The following PAPPA variants were observed in gnomAD, a reference collection of about 807,000 sequenced individuals.
PAPPA encodes pappalysin-1.
A neutral mutation model predicts 164.0 loss-of-function variants in PAPPA; 60 were observed. The ratio of observed to expected loss-of-function variants is 0.37; its 90% CI spans 0.30 to 0.45. The LOEUF (loss-of-function observed/expected upper bound fraction) is 0.45, where lower values mean the gene tolerates loss of function less well. PAPPA is among the 20% of genes least tolerant of loss of function. PAPPA has a pLI of 1.00. For synonymous variants in PAPPA, 875 were observed against 814.1 expected (o/e 1.07, Z -1.27); for missense variants, 1,782 against 2,087.3 (o/e 0.85, Z 2.85).
intron 10 of PAPPA, among the ~76,000 whole-genome samples, chr9:116,323,729 CTTTG>C (rs1314894115): frequency 2.6e-5 from 4 of 152,142 alleles, no homozygotes; most frequent in Non-Finnish European, 4.4e-5. Flanking sequence ...CACAGTGTGG[CTTTG>C]TTTGTTTCTT....
chr9:116,157,719 C>A (rs187036491), intron 1 of PAPPA, among the ~76,000 whole-genome samples: 100 of 152,236 alleles, frequency 6.6e-4, no homozygotes, highest in Non-Finnish European at 1.1e-3. Flanking sequence ...CTCATAAACA[C>A]CATCACCTCT....
chr9:116,322,224 C>A (rs1845865296), intron 10 of PAPPA, among the ~76,000 whole-genome samples: 1 of 151,960 alleles, frequency 6.6e-6, no homozygotes, highest in South Asian at 2.1e-4. Context: ...GCCTGGCCAA[C>A]ATGGTAAAAA....
chr9:116,162,131 G>T (rs1843675812), intron 1 of PAPPA, among the ~76,000 whole-genome samples: 2 of 152,176 alleles, frequency 1.3e-5, no homozygotes. Context: ...GTGATGAGGG[G>T]AGCCTTAGGA....
intron 2 of PAPPA, among the ~76,000 whole-genome samples, chr9:116,195,650 G>A (rs1844095233): frequency 1.3e-5 from 2 of 152,150 alleles, no homozygotes; most frequent in Non-Finnish European, 2.9e-5. Flanking sequence ...GACAGCACCT[G>A]GCACATAGTG....
chr9:116,283,286 T>C (rs1033866), intron 9 of PAPPA, among the ~76,000 whole-genome samples: 90,044 of 151,972 alleles, frequency 0.59, 26,824 homozygotes, highest in East Asian at 0.72. Flanking sequence ...GCATTAGAGG[T>C]CCCCTGGGAG....
chr9:116,365,028 G>A (rs1276553792), intron 18 of PAPPA, among the ~76,000 whole-genome samples: 2 of 152,172 alleles, frequency 1.3e-5, no homozygotes, highest in African/African-American at 2.4e-5. Flanking sequence ...AACAAGGCAG[G>A]AGAGCAGTTT....
chr9:116,353,805 G>A lies in PAPPA; in HGVS notation c.4347+12G>A, dbSNP rs1846315992. ...GTGATGCCTCCCAGGTAAGCCTCCTGGAACTTGAGATTGATACCATGGTCC... is the reference window on the plus strand; with the variant it reads ...GTGATGCCTCCCAGGTAAGCCTCCTAGAACTTGAGATTGATACCATGGTCC... On this transcript the variant is annotated intron_variant, in intron 17 of 21. Transcript: ENST00000328252. The A allele has an allele frequency of 9.3e-6, 15 of 1,604,712 alleles. No homozygotes were observed. Among genetic ancestry groups the A allele is most frequent in the Non-Finnish European group, 1.3e-5 (15 of 1,173,720 alleles).
At chr9:116,329,330 C>A (rs1371498297) in intron 10 of PAPPA, among the ~76,000 whole-genome samples, 1 of 152,056 alleles carries the variant, frequency 6.6e-6, no homozygotes. Flanking sequence ...CAATGGCTTT[C>A]TAAGCTAACA....
At chr9:116,251,560 C>T (rs1175141537) in intron 7 of PAPPA, among the ~76,000 whole-genome samples, 1 of 152,172 alleles carries the variant, frequency 6.6e-6, no homozygotes, top group African/African-American at 2.4e-5. Flanking sequence ...TCACTGGGGC[C>T]CTCCGTTGGA....
In PAPPA at chr9:116,178,407, C is replaced by T. The variant is rs529152348; in HGVS notation, c.416-8747C>T. On this transcript the variant is annotated intron_variant, in intron 1 of 21. Coordinates refer to ENST00000328252, the MANE Select transcript of PAPPA (RefSeq NM_002581.5). ...ACAGGCGTGAGCCACCTTGCCTGGC[C>T]GGAAAGATATTTATTATTAACACAC... Among the ~76,000 whole-genome samples the T allele has an allele frequency of 4.9e-4, 74 of 152,158 alleles. No individual in the cohort carries two copies. In the South Asian group the frequency reaches 6.5e-3, roughly 13 times the overall value.
chr9:116,187,698 G>C lies in PAPPA; in HGVS notation c.960G>C (p.Thr320=). 1 of 1,614,248 alleles carries C rather than the reference G, an allele frequency of 6.2e-7. No homozygotes were observed. The highest frequency in any genetic ancestry group is 8.5e-7 in the Non-Finnish European group (1 of 1,180,046). ...ATGCCCACGGCTTTCTGCTGGACAC[G>C]AGTCTGGAGCCTCCTCTGTGCGGAC... ...FSNAHGFLLD[T]SLEPPLCGQT... Residue 320 remains threonine (T), a synonymous_variant, in exon 2 of 22, where the codon ACG becomes ACC. Coordinates refer to ENST00000328252, the MANE Select transcript of PAPPA (RefSeq NM_002581.5). This position sits in a 1 kb window ranked among gnomAD's most constrained non-coding sequence, Gnocchi z 4.2.
intron 19 of PAPPA, among the ~76,000 whole-genome samples, chr9:116,375,353 T>C (rs1157801455): frequency 6.6e-5 from 10 of 152,192 alleles, no homozygotes; most frequent in Non-Finnish European, 1.5e-5. Context: ...TTAAGCTCTT[T>C]CTCCAAGGTC....
chr9:116,190,026 G>C (rs980508210), intron 2 of PAPPA, among the ~76,000 whole-genome samples: 2 of 152,176 alleles, frequency 1.3e-5, no homozygotes, highest in South Asian at 2.1e-4. Context: ...GTCTCTTCTA[G>C]GTCACAGTGC....
intron 8 of PAPPA, among the ~76,000 whole-genome samples, chr9:116,267,673 A>T (rs1420850929): frequency 6.6e-6 from 1 of 152,040 alleles, no homozygotes; most frequent in Non-Finnish European, 1.5e-5. Context: ...GGAGATCGAG[A>T]CCATCCTGGC....
intron 5 of PAPPA, among the ~76,000 whole-genome samples, chr9:116,223,562 A>G (rs1409177178): frequency 6.6e-6 from 1 of 152,208 alleles, no homozygotes; most frequent in East Asian, 1.9e-4. Context: ...AAGATTTCAT[A>G]ACATAGTTAT....
chr9:116,234,854 C>T (rs2118742220), intron 6 of PAPPA, among the ~76,000 whole-genome samples: 1 of 152,258 alleles, frequency 6.6e-6, no homozygotes, highest in South Asian at 2.1e-4. Flanking sequence ...GCACAGCCTC[C>T]TAAGTGGAAG....
At chr9:116,301,848 A>G (rs997498265) in intron 9 of PAPPA, among the ~76,000 whole-genome samples, 2 of 152,178 alleles carry the variant, frequency 1.3e-5, no homozygotes, top group African/African-American at 4.8e-5. Context: ...CTCTGCTCTG[A>G]TGGTTGAGCC....
intron 10 of PAPPA, among the ~76,000 whole-genome samples, chr9:116,306,033 A>G (rs1201446789): frequency 6.6e-6 from 1 of 152,220 alleles, no homozygotes; most frequent in Non-Finnish European, 1.5e-5. Flanking sequence ...CCATTAACTT[A>G]GGGAATGATG....
intron 1 of PAPPA, among the ~76,000 whole-genome samples, chr9:116,163,911 G>A (rs941558075): frequency 3.9e-5 from 6 of 152,126 alleles, no homozygotes; most frequent in African/African-American, 1.2e-4. Context: ...ACTGACTGAA[G>A]ACATTATTTG....
Sources: allele counts gnomAD v4.1 joint callset (sites outside exome capture counted in the v4.1 genomes callset), GRCh38; gene constraint gnomAD v4.1.1; non-coding constraint Gnocchi (gnomAD v3.1); transcripts MANE v1.5; gene names NCBI Gene and HGNC (gene_info 2026-07-23, HGNC 2026-07-21).